Variants in CAPN2 observed in about 807,000 individuals in gnomAD.
CAPN2 encodes the protein calpain-2 catalytic subunit.
Under a neutral mutation model 102.3 loss-of-function variants are expected in CAPN2, and 92 were observed. That is an observed-to-expected ratio of 0.90 (90% CI 0.76 to 1.07). CAPN2 has a LOEUF of 1.07. Ranked by LOEUF, CAPN2 falls within the 50% of genes least tolerant of loss-of-function variation. The pLI is 0.00. For synonymous variants in CAPN2, 340 were observed against 355.4 expected, an observed-to-expected ratio of 0.96 and a Z score of 0.49; for missense variants, 800 against 909.4, an observed-to-expected ratio of 0.88 and a Z score of 1.55.
chr1:223,714,841 A>AGGTCCCCC lies in CAPN2; in HGVS notation c.237+1965_237+1972dup, dbSNP rs1429538911. Among the ~76,000 whole-genome samples, 9 of 152,350 alleles carry AGGTCCCCC rather than the reference A, an allele frequency of 5.9e-5. No homozygotes were observed. The East Asian group carries it at 9.7e-4, about 16-fold the overall frequency. On this transcript the variant is annotated intron_variant, in intron 1 of 20. Coordinates refer to ENST00000295006, the MANE Select transcript of CAPN2 (RefSeq NM_001748.5). Reference sequence around the variant, plus strand: ...CTGAGGCTAGTGAGGGGACAGAGACAGGTCCCCCAACAGTTGGAAATGCCT... The same window carrying AGGTCCCCC: ...CTGAGGCTAGTGAGGGGACAGAGACAGGTCCCCCGGTCCCCCAACAGTTGGAAATGCCT...
At chr1:223,745,116 T>C (rs1378787645) in intron 3 of CAPN2, among the ~76,000 whole-genome samples, 190 bp from the exon 4 acceptor site, 1 of 151,286 alleles carries the variant, frequency 6.6e-6, no homozygotes, top group Non-Finnish European at 1.5e-5. Flanking sequence ...AGGATGGACA[T>C]GCGCCTCTGT....
At chr1:223,733,959 C>G (rs758430812) in intron 2 of CAPN2, among the ~76,000 whole-genome samples, 4 of 152,112 alleles carry the variant, frequency 2.6e-5, no homozygotes, top group Non-Finnish European at 5.9e-5. Flanking sequence ...GGGAGAGAAA[C>G]GGTCCCAACT....
At chr1:223,774,381 A>G (rs1010582450) in intron 20 of CAPN2, among the ~76,000 whole-genome samples, 10 of 152,172 alleles carry the variant, frequency 6.6e-5, no homozygotes, top group Middle Eastern at 3.2e-3. Context: ...AGATTCCATC[A>G]CATGGGGAGC....
intron 20 of CAPN2, among the ~76,000 whole-genome samples, chr1:223,773,453 G>A (rs1371347000): frequency 6.6e-6 from 1 of 152,128 alleles, no homozygotes; most frequent in Non-Finnish European, 1.5e-5. Context: ...TAGCACTTTG[G>A]GAGGCCAAGG....
chr1:223,723,739 G>A (rs556790726), intron 2 of CAPN2, among the ~76,000 whole-genome samples: 1 of 151,970 alleles, frequency 6.6e-6, no homozygotes, highest in East Asian at 1.9e-4. Flanking sequence ...CACCCTGGCT[G>A]CCTCAGCTTT....
At chr1:223,762,311 G>T in intron 14 of CAPN2, 60 bp downstream of exon 14, 1 of 1,338,960 alleles carries the variant, frequency 7.5e-7, no homozygotes, top group Non-Finnish European at 1.1e-6. Flanking sequence ...GAGACAGTGT[G>T]TGTCCCCAAG....
intron 2 of CAPN2, among the ~76,000 whole-genome samples, chr1:223,723,851 C>T (rs1660122359): frequency 9.7e-6 from 1 of 102,828 alleles, no homozygotes. Context: ...AGTGGGACCC[C>T]CTTCAAGAAT....
chr1:223,744,427 C>A (rs1329725108), intron 3 of CAPN2, among the ~76,000 whole-genome samples: 1 of 151,880 alleles, frequency 6.6e-6, no homozygotes, highest in Non-Finnish European at 1.5e-5. Context: ...TGGGTGGTTT[C>A]TTGGGACATG....
intron 1 of CAPN2, among the ~76,000 whole-genome samples, chr1:223,702,063 A>AAGGAAGGGAGGG (rs1558374796): frequency 3.6e-5 from 1 of 27,860 alleles, no homozygotes; most frequent in African/African-American, 1.4e-4. Flanking sequence ...GGAAGGAAGG[A>AAGGAAGGGAGGG]AGGGAGGGAG....
chr1:223,774,397 C>T (rs1024794707), intron 20 of CAPN2, among the ~76,000 whole-genome samples: 11 of 152,176 alleles, frequency 7.2e-5, no homozygotes, highest in African/African-American at 2.7e-4. Flanking sequence ...GGAGCTTTGC[C>T]AAAGTGCTGG....
chr1:223,752,763 A>G, intron 8 of CAPN2, 33 bp from the exon 9 acceptor site: 1 of 1,611,712 alleles, frequency 6.2e-7, no homozygotes, highest in South Asian at 1.1e-5. Flanking sequence ...GTGTCTTCTT[A>G]TCACCTGTGA....
chr1:223,713,222 G>A (rs1659789789), intron 1 of CAPN2, among the ~76,000 whole-genome samples: 2 of 152,214 alleles, frequency 1.3e-5, no homozygotes, highest in African/African-American at 2.4e-5. Context: ...GACTCTAGCG[G>A]GGAGCTGGAA....
intron 2 of CAPN2, among the ~76,000 whole-genome samples, chr1:223,720,315 C>CTCTCTTTTT (rs564518898): frequency 0.053 from 5,690 of 107,462 alleles, 246 homozygotes; most frequent in Non-Finnish European, 0.074. Context: ...CTCTTTCTCT[C>CTCTCTTTTT]TTTTTTTTTT....
intron 5 of CAPN2, 27 bp downstream of exon 5, chr1:223,747,192 T>A (rs1490577084): frequency 3.2e-6 from 5 of 1,582,732 alleles, no homozygotes; most frequent in Non-Finnish European, 4.3e-6. Context: ...TTCCCTAGCC[T>A]CACCCCATCT....
At position 223,762,178 on chromosome 1, in the gene CAPN2, C is replaced by T. The variant is rs143006082; in HGVS notation, c.1567-8C>T. ...GATGCATTCTCATGTCTCTGCCTCA[C>T]CTTCCAGTTCGACATCAGCGAGGAT... On this transcript the variant is annotated splice_region_variant and splice_polypyrimidine_tract_variant and intron_variant, in intron 13 of 20. Coordinates refer to ENST00000295006, the MANE Select transcript of CAPN2 (RefSeq NM_001748.5). 4.3e-6 allele frequency: 7 copies of T among 1,613,140 alleles called. No individual in the cohort carries two copies. The African/African-American group carries it at 8.0e-5, about 18-fold the overall frequency.
chr1:223,726,658 G>C lies in CAPN2; in HGVS notation c.307+8827G>C, dbSNP rs1176390875. On this transcript the variant is annotated intron_variant, in intron 2 of 20. Coordinates refer to ENST00000295006, the MANE Select transcript of CAPN2 (RefSeq NM_001748.5). The surrounding 1 kb of genome is among the most constrained non-coding windows in gnomAD (Gnocchi z 4.4). ...CTGGGACACGTGGTTTGGATCACTGGCTGTGGCTCACAGTTCTGATGTGTG... is the reference window on the plus strand; with the variant it reads ...CTGGGACACGTGGTTTGGATCACTGCCTGTGGCTCACAGTTCTGATGTGTG... Among the ~76,000 whole-genome samples the C allele has an allele frequency of 2.0e-5, 3 of 152,188 alleles. No homozygotes were observed. Among genetic ancestry groups the C allele is most frequent in the Non-Finnish European group, 4.4e-5 (3 of 68,032 alleles).
At chr1:223,750,827 C>G (rs1322714004) in intron 6 of CAPN2, 63 bp from the exon 7 acceptor site, 5 of 1,484,216 alleles carry the variant, frequency 3.4e-6, no homozygotes. Context: ...GTTGGAGGCC[C>G]AAGCCTTCAT....
At chr1:223,769,814 T>C in intron 16 of CAPN2, 27 bp from the exon 17 acceptor site, 1 of 1,590,072 alleles carries the variant, frequency 6.3e-7, no homozygotes, top group Non-Finnish European at 8.6e-7. Flanking sequence ...GGACCCACAC[T>C]CAAGGGCTTT....
At chr1:223,752,326 T>C (rs562565490) in intron 8 of CAPN2, among the ~76,000 whole-genome samples, 3 of 152,170 alleles carry the variant, frequency 2.0e-5, no homozygotes, top group Non-Finnish European at 2.9e-5. Context: ...AGGAATTCCT[T>C]TGGTAATGTT....
Sources: gnomAD v4.1 joint callset for allele counts (sites outside exome capture counted in the v4.1 genomes callset) on GRCh38, gnomAD v4.1.1 for gene constraint, Gnocchi (gnomAD v3.1) non-coding constraint, MANE v1.5 for transcripts, NCBI Gene and HGNC (gene_info 2026-07-23, HGNC 2026-07-21) for gene names.